The following RAB28 variants were observed in gnomAD, a reference collection of about 807,000 sequenced individuals.
RAB28 encodes the protein RAB28, member RAS oncogene family, also known as ras-related protein Rab-28.
In RAB28, 24 loss-of-function variants were observed where a neutral mutation model predicts 31.7. That is an observed-to-expected ratio of 0.76 (90% confidence interval 0.55 to 1.06). RAB28 has a LOEUF of 1.06. Ranked by LOEUF, RAB28 falls within the 50% of genes least tolerant of loss-of-function variation. RAB28 has a pLI of 0.00. For missense variants in RAB28, 254 were observed against 258.5 expected (o/e 0.98, Z 0.12); for synonymous variants, 100 against 90.4 (o/e 1.11, Z -0.60).
chr4:13,379,554 A>AT (rs1170573305), intron 5 of RAB28, among the ~76,000 whole-genome samples: 1 of 152,142 alleles, frequency 6.6e-6, no homozygotes, highest in Non-Finnish European at 1.5e-5. Flanking sequence ...AGAGGTTAAG[A>AT]TTTTGCAAAG....
In RAB28 at chr4:13,404,279, G is replaced by A. The variant is rs538255562; in HGVS notation, c.392-22685C>T. Among the ~76,000 whole-genome samples the A allele has an allele frequency of 9.2e-5, 14 of 152,304 alleles. No homozygotes were observed. In the South Asian group the frequency reaches 2.7e-3, roughly 29 times the overall value. ...TATAATCCCAGCTACTTGGGAGGCT[G>A]AGGCAGGAGAATCACTTGAACTTGG... is the stretch of plus-strand genomic sequence containing the variant. On this transcript the variant is annotated intron_variant, in intron 4 of 6. Transcript: ENST00000330852.
At chr4:13,412,739 T>C (rs1712516371) in intron 4 of RAB28, among the ~76,000 whole-genome samples, 1 of 152,084 alleles carries the variant, frequency 6.6e-6, no homozygotes, top group African/African-American at 2.4e-5. Flanking sequence ...TGAGTAGCCA[T>C]GGAGCAAATG....
At chr4:13,471,554 T>C (rs551038661) in intron 3 of RAB28, among the ~76,000 whole-genome samples, 1 of 151,972 alleles carries the variant, frequency 6.6e-6, no homozygotes, top group African/African-American at 2.4e-5. Context: ...CAGGCTGGAG[T>C]AAAGTGGCAT....
chr4:13,470,354 T>TA (rs1716065080), intron 3 of RAB28, among the ~76,000 whole-genome samples: 2 of 152,044 alleles, frequency 1.3e-5, no homozygotes, highest in South Asian at 4.1e-4. Flanking sequence ...AATATCCAAC[T>TA]AAAAAACTTA....
At chr4:13,403,244 T>C (rs1711881112) in intron 4 of RAB28, among the ~76,000 whole-genome samples, 1 of 152,188 alleles carries the variant, frequency 6.6e-6, no homozygotes, top group African/African-American at 2.4e-5. Flanking sequence ...AATTTTCAGG[T>C]GTCATAAATT....
intron 4 of RAB28, 47 bp downstream of exon 4, chr4:13,460,652 A>C: frequency 6.2e-7 from 1 of 1,611,114 alleles, no homozygotes; most frequent in Non-Finnish European, 8.5e-7. Context: ...TTCTGTCCAC[A>C]ACAGCAAGTA....
chr4:13,443,141 A>C (rs1714511011), intron 4 of RAB28, among the ~76,000 whole-genome samples: 1 of 152,244 alleles, frequency 6.6e-6, no homozygotes, highest in Non-Finnish European at 1.5e-5. Context: ...AGAAAAAATA[A>C]AAATCTTAAA....
intron 4 of RAB28, among the ~76,000 whole-genome samples, chr4:13,445,985 C>A (rs372276669): frequency 6.6e-6 from 1 of 152,166 alleles, no homozygotes; most frequent in African/African-American, 2.4e-5. Context: ...GCCCCTCCCC[C>A]CAGGTGCTCT....
intron 5 of RAB28, among the ~76,000 whole-genome samples, chr4:13,378,133 G>C (rs1728994104): frequency 6.6e-6 from 1 of 152,156 alleles, no homozygotes; most frequent in Non-Finnish European, 1.5e-5. Flanking sequence ...AGGAATAAGT[G>C]TAGAAAAAGA....
chr4:13,418,699 T>C (rs912813551), intron 4 of RAB28, among the ~76,000 whole-genome samples: 1 of 152,168 alleles, frequency 6.6e-6, no homozygotes, highest in African/African-American at 2.4e-5. Flanking sequence ...GTCAAGCAAA[T>C]GCTGAGAGAT....
Position 13,381,604 on chromosome 4 carries a change from T to C in RAB28, c.392-10A>G, listed in dbSNP as rs758882959. On this transcript the variant is annotated splice_polypyrimidine_tract_variant and intron_variant, in intron 4 of 6. Coordinates refer to ENST00000330852, the MANE Select transcript of RAB28 (RefSeq NM_001017979.3). ...ATATGCTCCAAATCAACTAGAAAGG[T>C]GTTAAAGAAAGAAAATAATTCAATA... The C allele has an allele frequency of 1.3e-6, 2 of 1,589,952 alleles. No homozygotes were observed. The highest frequency in any genetic ancestry group is 8.6e-7 in the Non-Finnish European group (1 of 1,164,206).
At chr4:13,412,586 G>A (rs1712504102) in intron 4 of RAB28, among the ~76,000 whole-genome samples, 1 of 152,042 alleles carries the variant, frequency 6.6e-6, no homozygotes, top group Non-Finnish European at 1.5e-5. Context: ...AGTAGGAGGA[G>A]GGTGAGTTGC....
intron 4 of RAB28, among the ~76,000 whole-genome samples, chr4:13,453,410 TTC>T (rs1171610739): frequency 6.6e-6 from 1 of 152,136 alleles, no homozygotes; most frequent in Admixed American, 6.5e-5. Flanking sequence ...ATTTCTTTCT[TTC>T]TCTTTTTCCT....
intron 5 of RAB28, among the ~76,000 whole-genome samples, chr4:13,379,476 A>G (rs1211165484): frequency 1.3e-5 from 2 of 152,164 alleles, no homozygotes. Context: ...CTGAGAGTAT[A>G]TGCATGGCAA....
intron 4 of RAB28, among the ~76,000 whole-genome samples, chr4:13,429,368 T>C (rs1395644474): frequency 1.3e-5 from 2 of 152,190 alleles, no homozygotes; most frequent in African/African-American, 2.4e-5. Context: ...CATGGTCTTA[T>C]ATATTGAAAA....
intron 1 of RAB28, among the ~76,000 whole-genome samples, chr4:13,479,939 T>C (rs1252227204): frequency 6.6e-6 from 1 of 151,730 alleles, no homozygotes; most frequent in Non-Finnish European, 1.5e-5. Context: ...AGCACTAAGC[T>C]AATAATAAGA....
chr4:13,397,113 G>A (rs1279026986), intron 4 of RAB28, among the ~76,000 whole-genome samples: 1 of 152,064 alleles, frequency 6.6e-6, no homozygotes, highest in Non-Finnish European at 1.5e-5. Context: ...TAATATGCAT[G>A]GCTGCATTTT....
chr4:13,399,650 T>C (rs1711633066), intron 4 of RAB28, among the ~76,000 whole-genome samples: 1 of 152,338 alleles, frequency 6.6e-6, no homozygotes, highest in African/African-American at 2.4e-5. Context: ...AATCTCATGA[T>C]CTTATTTTGC....
intron 4 of RAB28, among the ~76,000 whole-genome samples, chr4:13,383,701 C>T (rs1243768372): frequency 5.9e-5 from 9 of 152,138 alleles, no homozygotes; most frequent in Admixed American, 5.2e-4. Flanking sequence ...TTTTCCTGTG[C>T]TGTTCTCATG....
Sources: gnomAD v4.1 joint callset for allele counts (sites outside exome capture counted in the v4.1 genomes callset) on GRCh38, gnomAD v4.1.1 for gene constraint, MANE v1.5 for transcripts, NCBI Gene and HGNC (gene_info 2026-07-23, HGNC 2026-07-21) for gene names.